TSHZ2: variants seen among roughly 807,000 people sequenced by gnomAD.
The protein encoded by TSHZ2 is teashirt zinc finger homeobox 2, also known as teashirt homolog 2.
In TSHZ2, 21 loss-of-function variants were observed where a neutral mutation model predicts 74.4. The observed-to-expected ratio is 0.28, with a 90% CI of 0.20 to 0.41. The LOEUF is 0.41. Ranked by LOEUF, TSHZ2 falls within the 10% of genes least tolerant of loss-of-function variation. TSHZ2 has a pLI of 1.00. For synonymous variants in TSHZ2, 540 were observed against 515.3 expected (o/e 1.05, Z -0.65); for missense variants, 1,244 against 1,293.5 (o/e 0.96, Z 0.59).
chr20:53,164,507 C>T (rs1988021243), intron 1 of TSHZ2, among the ~76,000 whole-genome samples: 3 of 152,022 alleles, frequency 2.0e-5, no homozygotes, highest in South Asian at 4.2e-4. Flanking sequence ...AAGTGCTGTC[C>T]AATAGAACTT....
At chr20:53,446,642 C>T (rs1462316756) in intron 2 of TSHZ2, among the ~76,000 whole-genome samples, 12 of 151,876 alleles carry the variant, frequency 7.9e-5, no homozygotes, top group Non-Finnish European at 2.9e-5. Flanking sequence ...TTCTCTACTT[C>T]CTCCTTTTTT....
intron 1 of TSHZ2, among the ~76,000 whole-genome samples, chr20:53,200,892 A>G (rs1373134922): frequency 1.3e-5 from 2 of 152,228 alleles, no homozygotes; most frequent in African/African-American, 4.8e-5. Flanking sequence ...GGTGGGAACA[A>G]TGGTTGGAGG....
chr20:53,447,499 AT>A (rs2145773460), intron 2 of TSHZ2, among the ~76,000 whole-genome samples: 1 of 152,360 alleles, frequency 6.6e-6, no homozygotes, highest in East Asian at 1.9e-4. Flanking sequence ...CAAGCAGGAA[AT>A]TAACACTGGC....
At chr20:53,048,669 T>G (rs912494170) in intron 1 of TSHZ2, among the ~76,000 whole-genome samples, 2 of 152,296 alleles carry the variant, frequency 1.3e-5, no homozygotes, top group Middle Eastern at 3.4e-3. Flanking sequence ...CTCATCACCA[T>G]CAGTCTGCAA....
At chr20:53,241,100 G>T (rs748074544) in intron 1 of TSHZ2, among the ~76,000 whole-genome samples, 7 of 152,124 alleles carry the variant, frequency 4.6e-5, no homozygotes, top group Admixed American at 1.3e-4. Flanking sequence ...TCTATAGGTA[G>T]GGACAAAGAA....
chr20:53,455,427 G>A (rs1321761267), intron 2 of TSHZ2: 2 of 152,068 alleles, frequency 1.3e-5, no homozygotes, highest in African/African-American at 2.4e-5. Flanking sequence ...ATTTACTGAA[G>A]GAATCTATGT....
intron 2 of TSHZ2, among the ~76,000 whole-genome samples, chr20:53,381,907 C>T (rs1981873020): frequency 6.6e-6 from 1 of 152,200 alleles, no homozygotes. Context: ...CCTTTGTGGG[C>T]ATTGCTTTCT....
At chr20:53,411,259 C>A (rs1983044897) in intron 2 of TSHZ2, among the ~76,000 whole-genome samples, 1 of 152,166 alleles carries the variant, frequency 6.6e-6, no homozygotes, top group African/African-American at 2.4e-5. Context: ...TGTGGAGTCC[C>A]AGGGGCCTCC....
At chr20:53,322,978 G>A (rs1187705525) in intron 2 of TSHZ2, among the ~76,000 whole-genome samples, 2 of 152,180 alleles carry the variant, frequency 1.3e-5, no homozygotes, top group Admixed American at 6.5e-5. Context: ...GTGGGTTGTA[G>A]AAGAAGGTAA....
At chr20:52,981,728 A>G (rs947950783) in intron 1 of TSHZ2, among the ~76,000 whole-genome samples, 3 of 152,224 alleles carry the variant, frequency 2.0e-5, no homozygotes, top group African/African-American at 7.2e-5. Flanking sequence ...CCGCTCAAAA[A>G]AGAGTTTCTT....
At chr20:53,416,314 C>T (rs1983251793) in intron 2 of TSHZ2, among the ~76,000 whole-genome samples, 1 of 152,326 alleles carries the variant, frequency 6.6e-6, no homozygotes, top group Non-Finnish European at 1.5e-5. Flanking sequence ...ATGGAAAGAG[C>T]ACGTGCTGAT....
At chr20:53,471,803 CTTTTTTT>C (rs58027394) in intron 2 of TSHZ2, among the ~76,000 whole-genome samples, 55 of 87,266 alleles carry the variant, frequency 6.3e-4, no homozygotes, top group Non-Finnish European at 1.2e-3. Flanking sequence ...CTTTTCTTTT[CTTTTTTT>C]TTTTTTTTTT....
chr20:53,119,248 G>A (rs1986746301), intron 1 of TSHZ2, among the ~76,000 whole-genome samples: 1 of 152,168 alleles, frequency 6.6e-6, no homozygotes, highest in African/African-American at 2.4e-5. Context: ...AAAAGAAAGT[G>A]CATACATTCA....
intron 2 of TSHZ2, among the ~76,000 whole-genome samples, chr20:53,325,688 G>GTTTTTTT (rs1329233614): frequency 6.6e-6 from 1 of 152,126 alleles, no homozygotes. Flanking sequence ...TTGTTTGTTT[G>GTTTTTTT]TTTGTTTTTA....
At chr20:53,252,984 G>T (rs1184235832) in intron 1 of TSHZ2, among the ~76,000 whole-genome samples, 3 of 151,942 alleles carry the variant, frequency 2.0e-5, no homozygotes, top group African/African-American at 7.3e-5. Flanking sequence ...AAATATAATG[G>T]CTGTGTATCC....
At chr20:53,037,951 T>C (rs1443140966) in intron 1 of TSHZ2, among the ~76,000 whole-genome samples, 5 of 151,938 alleles carry the variant, frequency 3.3e-5, no homozygotes, top group Non-Finnish European at 7.4e-5. Flanking sequence ...GGTCTCCACA[T>C]GCGCTCAGGT....
At chr20:52,977,793 G>A (rs1194482196) in intron 1 of TSHZ2, among the ~76,000 whole-genome samples, 3 of 152,162 alleles carry the variant, frequency 2.0e-5, no homozygotes, top group Non-Finnish European at 4.4e-5. Flanking sequence ...CAGATTACAA[G>A]TGACAGAGAG....
At chr20:53,056,408 A>C (rs976377013) in intron 1 of TSHZ2, among the ~76,000 whole-genome samples, 4 of 152,222 alleles carry the variant, frequency 2.6e-5, no homozygotes. Context: ...AAAACATCGC[A>C]GTCTATTGAT....
intron 2 of TSHZ2, among the ~76,000 whole-genome samples, chr20:53,286,072 T>C (rs1991158341): frequency 6.6e-6 from 1 of 152,202 alleles, no homozygotes; most frequent in South Asian, 2.1e-4. Flanking sequence ...TGTTGTAGCA[T>C]TTACTTCTCG....
Sources: allele counts gnomAD v4.1 joint callset (sites outside exome capture counted in the v4.1 genomes callset), GRCh38; gene constraint gnomAD v4.1.1; transcripts MANE v1.5; gene names NCBI Gene and HGNC (gene_info 2026-07-23, HGNC 2026-07-21).